Variants in ALOX5 observed in about 807,000 individuals in gnomAD.
ALOX5 encodes the protein polyunsaturated fatty acid 5-lipoxygenase.
ALOX5 carries 64 observed loss-of-function variants against 87.9 expected under a neutral mutation model. The observed-to-expected ratio is 0.73, with a 90% CI of 0.60 to 0.90. The LOEUF is 0.90. ALOX5 is among the 40% of genes least tolerant of loss of function. The pLI is 0.00. For synonymous variants in ALOX5, 388 were observed against 355.1 expected (o/e 1.09, Z -1.04); for missense variants, 822 against 907.5 (o/e 0.91, Z 1.21).
intron 4 of ALOX5, among the ~76,000 whole-genome samples, chr10:45,420,755 C>T (rs909875632): frequency 3.3e-5 from 5 of 152,256 alleles, no homozygotes; most frequent in African/African-American, 9.6e-5. Flanking sequence ...CTGCCCTGCA[C>T]AGCACAACTG....
rs147998395 is a variant in ALOX5 at position 45,422,624 on chromosome 10, C to T, written c.555-1417C>T. The stretch of plus-strand genomic sequence containing the variant: ...GACTGTGCCCTCAGCATGCATAGGG[C>T]AGCAGGCATAGATTCATACACGTGA... On this transcript the variant is annotated intron_variant, in intron 4 of 13. Coordinates refer to ENST00000374391, the MANE Select transcript of ALOX5 (RefSeq NM_000698.5). Among the ~76,000 whole-genome samples, 308 of 152,318 alleles carry T rather than the reference C, an allele frequency of 2.0e-3. 3 individuals are homozygous for T. Among genetic ancestry groups the T allele is most frequent in the African/African-American group, 7.1e-3 (293 of 41,554 alleles).
chr10:45,428,918 G>T (rs1347009660), intron 7 of ALOX5, among the ~76,000 whole-genome samples, 154 bp downstream of exon 7: 3 of 152,122 alleles, frequency 2.0e-5, no homozygotes, highest in African/African-American at 7.2e-5. Context: ...CATAGGGGCG[G>T]AGAGGGTTCT....
Position 45,424,167 on chromosome 10 carries a change from C to T in ALOX5, c.661+20C>T. 6.3e-7 allele frequency: 1 copy of T among 1,587,424 alleles called. No individual in the cohort carries two copies. The highest frequency in any genetic ancestry group is 8.6e-7 in the Non-Finnish European group (1 of 1,156,204). On this transcript the variant is annotated intron_variant, in intron 5 of 13. Transcript: ENST00000374391. ...TTTCTGGTGAGTGTGCCTCTGGGGGCCCAAGTGGTGCTGGGGACAGGGGAT... is the reference window on the plus strand; with the variant it reads ...TTTCTGGTGAGTGTGCCTCTGGGGGTCCAAGTGGTGCTGGGGACAGGGGAT...
chr10:45,437,221 C>T (rs1203959883), intron 7 of ALOX5, among the ~76,000 whole-genome samples: 2 of 152,178 alleles, frequency 1.3e-5, no homozygotes, highest in African/African-American at 2.4e-5. Context: ...GGTGTGGTAA[C>T]ACCTGCCTGT....
rs1841816027 is a variant in ALOX5, at chr10:45,428,689, A to G, written c.906A>G (p.Thr302=). Reference sequence around the variant, plus strand: ...ATGCCAACAAAACAGACCCCTGCACACTCCAGTTCCTGGCCGCTCCCATCT... The same window carrying G: ...ATGCCAACAAAACAGACCCCTGCACGCTCCAGTTCCTGGCCGCTCCCATCT... ...GIDANKTDPC[T]LQFLAAPICL... is the part of the protein sequence containing the mutation. Residue 302 remains threonine (T), a synonymous_variant, in exon 7 of 14, where the codon ACA becomes ACG. Coordinates refer to ENST00000374391, the MANE Select transcript of ALOX5 (RefSeq NM_000698.5). 6.2e-7 allele frequency: 1 copy of G among 1,613,838 alleles called. No individual in the cohort carries two copies. Among genetic ancestry groups the G allele is most frequent in the Non-Finnish European group, 8.5e-7 (1 of 1,179,978 alleles).
chr10:45,390,370 C>G (rs191555615), intron 2 of ALOX5, among the ~76,000 whole-genome samples: 1 of 152,216 alleles, frequency 6.6e-6, no homozygotes, highest in Non-Finnish European at 1.5e-5. Flanking sequence ...CTCTCCACCC[C>G]AAATCAACAG....
At chr10:45,381,809 C>T (rs555981021) in intron 1 of ALOX5, among the ~76,000 whole-genome samples, 13 of 152,200 alleles carry the variant, frequency 8.5e-5, no homozygotes, top group Admixed American at 2.6e-4. Context: ...CTGCCTGGGT[C>T]GTAGCACTGA....
intron 3 of ALOX5, among the ~76,000 whole-genome samples, chr10:45,406,556 A>G (rs1285054895): frequency 1.3e-5 from 2 of 152,230 alleles, no homozygotes; most frequent in Non-Finnish European, 2.9e-5. Context: ...ACGTACTTCC[A>G]TAGAATTTCT....
At chr10:45,377,102 G>A (rs1373080158) in intron 1 of ALOX5, among the ~76,000 whole-genome samples, 2 of 152,184 alleles carry the variant, frequency 1.3e-5, no homozygotes, top group Non-Finnish European at 2.9e-5. Flanking sequence ...AAGGGCAATA[G>A]CGTGGTGTTT....
At chr10:45,386,794 G>A (rs1055960443) in intron 2 of ALOX5, among the ~76,000 whole-genome samples, 20 of 152,136 alleles carry the variant, frequency 1.3e-4, no homozygotes, top group East Asian at 3.9e-4. Context: ...TATGGGCTGC[G>A]TTCACAGGCT....
At chr10:45,415,873 C>T (rs1305080306) in intron 4 of ALOX5, among the ~76,000 whole-genome samples, 1 of 152,194 alleles carries the variant, frequency 6.6e-6, no homozygotes, top group Non-Finnish European at 1.5e-5. Flanking sequence ...TAGCTATCTT[C>T]GTTTCTTGCA....
At chr10:45,436,775 T>A (rs1344091476) in intron 7 of ALOX5, among the ~76,000 whole-genome samples, 1 of 152,198 alleles carries the variant, frequency 6.6e-6, no homozygotes, top group Non-Finnish European at 1.5e-5. Flanking sequence ...TTTTTTTTTC[T>A]AATTCTGTGA....
rs190706620 is a variant in ALOX5 at position 45,388,066 on chromosome 10, A to C, written c.349+5385A>C. Among the ~76,000 whole-genome samples, 544 of 152,322 alleles carry C rather than the reference A, an allele frequency of 3.6e-3. 1 individual carries two copies. Among genetic ancestry groups the C allele is most frequent in the Non-Finnish European group, 5.2e-3 (354 of 68,034 alleles). On this transcript the variant is annotated intron_variant, in intron 2 of 13. Coordinates refer to ENST00000374391, the MANE Select transcript of ALOX5 (RefSeq NM_000698.5). ...GGAAGTGGTGACGGACAGCACCTGG[A>C]AAATTGGGTCACTCCCACCCTAATA... is the stretch of plus-strand genomic sequence containing the variant.
At chr10:45,376,981 CTG>C (rs1839638564) in intron 1 of ALOX5, among the ~76,000 whole-genome samples, 1 of 152,290 alleles carries the variant, frequency 6.6e-6, no homozygotes, top group East Asian at 1.9e-4. Flanking sequence ...TTCTTTAACT[CTG>C]TAAATTTAAA....
chr10:45,384,251 C>A (rs927750845), intron 2 of ALOX5, among the ~76,000 whole-genome samples: 1 of 152,198 alleles, frequency 6.6e-6, no homozygotes, highest in Admixed American at 6.5e-5. Context: ...TCCCTCCTTT[C>A]TGGTCAGAGT....
At chr10:45,389,121 A>G (rs1051988830) in intron 2 of ALOX5, among the ~76,000 whole-genome samples, 1 of 152,256 alleles carries the variant, frequency 6.6e-6, no homozygotes, top group East Asian at 1.9e-4. Context: ...AATGAAATGA[A>G]GCGAGAAGAT....
In ALOX5 at chr10:45,374,241, C is replaced by T; in HGVS notation, c.-39C>T. 2 of 1,447,436 alleles carry T rather than the reference C, an allele frequency of 1.4e-6. No homozygotes were observed. The highest frequency in any genetic ancestry group is 1.5e-5 in the African/African-American group (1 of 67,470). 89.7% of individuals were successfully genotyped at this position (1,447,436 alleles called of 1,614,324 possible). ...AGATGCGGACACCTGGACCGCCGCG[C>T]CGAGGCTCCCGGCGCTCGCTGCTCC... On this transcript the variant is annotated 5_prime_UTR_variant, in exon 1 of 14. Transcript: ENST00000374391.
At chr10:45,417,081 G>A (rs1841322178) in intron 4 of ALOX5, among the ~76,000 whole-genome samples, 2 of 152,032 alleles carry the variant, frequency 1.3e-5, no homozygotes, top group Admixed American at 1.3e-4. Flanking sequence ...TCACAGAATA[G>A]GTGCTCATTA....
intron 3 of ALOX5, among the ~76,000 whole-genome samples, chr10:45,410,776 A>G (rs989904820): frequency 6.6e-6 from 1 of 152,258 alleles, no homozygotes; most frequent in Non-Finnish European, 1.5e-5. Context: ...TCCCCAAAGA[A>G]ACTAACAGGA....
Sources: gnomAD v4.1 joint callset for allele counts (sites outside exome capture counted in the v4.1 genomes callset) on GRCh38, gnomAD v4.1.1 for gene constraint, MANE v1.5 for transcripts, NCBI Gene and HGNC (gene_info 2026-07-23, HGNC 2026-07-21) for gene names.